RASGRF2: variants seen among roughly 807,000 people sequenced by gnomAD.
RASGRF2 encodes ras-specific guanine nucleotide-releasing factor 2.
In RASGRF2, 76 loss-of-function variants were observed where a neutral mutation model predicts 151.0. The ratio of observed to expected loss-of-function variants is 0.50; its 90% confidence interval spans 0.42 to 0.61. The LOEUF is 0.61. RASGRF2 is among the 20% of genes least tolerant of loss of function. The probability of loss-of-function intolerance (pLI) is 0.00; values close to 1 mark genes in which losing one functional copy is unlikely to be tolerated. For synonymous variants in RASGRF2, 504 were observed against 566.5 expected (o/e 0.89, Z 1.57); for missense variants, 1,148 against 1,564.6 (o/e 0.73, Z 4.49).
At chr5:81,010,671 T>A (rs1311056455) in intron 1 of RASGRF2, among the ~76,000 whole-genome samples, 1 of 152,226 alleles carries the variant, frequency 6.6e-6, no homozygotes, top group East Asian at 1.9e-4. Flanking sequence ...GTCTGACAGC[T>A]GTAAGCTTTC....
At chr5:81,208,147 G>A (rs1755551078) in intron 21 of RASGRF2, among the ~76,000 whole-genome samples, 1 of 152,190 alleles carries the variant, frequency 6.6e-6, no homozygotes, top group African/African-American at 2.4e-5. Context: ...AAAGCTGGAA[G>A]CTGAAGAATC....
chr5:81,227,934 A>C lies in RASGRF2; in HGVS notation c.*2164A>C, dbSNP rs536895088. 1 of 152,346 alleles carries C rather than the reference A, an allele frequency of 6.6e-6. No homozygotes were observed. Among genetic ancestry groups the C allele is most frequent in the East Asian group, 1.9e-4 (1 of 5,190 alleles). The allele number at this position is 152,346 out of a possible 1,614,324, so 9.4% of individuals were successfully genotyped here. ...CTGCAGCCATTCTTATTAACAAAAA[A>C]TAAGACAGGAGTTTCCAAATGCTCC... On this transcript the variant is annotated 3_prime_UTR_variant, in exon 27 of 27. Transcript: ENST00000265080.
rs1756012407 is a variant in RASGRF2 at position 81,226,881 on chromosome 5, A to G, written c.*1111A>G. ...AGATCTCTGAGAATATTATAAGTGC[A>G]TGGGAAATGGGCCCAACCACCGAAC... On this transcript the variant is annotated 3_prime_UTR_variant, in exon 27 of 27. Coordinates refer to ENST00000265080, the MANE Select transcript of RASGRF2 (RefSeq NM_006909.3). 1 of 152,112 alleles carries G rather than the reference A, an allele frequency of 6.6e-6. No individual in the cohort carries two copies. The highest frequency in any genetic ancestry group is 1.5e-5 in the Non-Finnish European group (1 of 68,024). 9.4% of individuals were successfully genotyped at this position (152,112 alleles called of 1,614,324 possible). A position where few individuals can be genotyped will look rare whatever the true frequency, so the allele number is the denominator to read the frequency against.
intron 17 of RASGRF2, among the ~76,000 whole-genome samples, chr5:81,170,122 A>C (rs928932547): frequency 3.3e-5 from 5 of 150,864 alleles, no homozygotes; most frequent in Admixed American, 3.3e-4. Context: ...TACCACCAGC[A>C]TCACCTGCAC....
chr5:81,018,086 A>C (rs923184402), intron 1 of RASGRF2, among the ~76,000 whole-genome samples: 1 of 151,820 alleles, frequency 6.6e-6, no homozygotes, highest in African/African-American at 2.4e-5. Context: ...TCCAGCCTGG[A>C]TGACAGAGCG....
intron 19 of RASGRF2, among the ~76,000 whole-genome samples, chr5:81,206,486 A>G (rs1302345132): frequency 6.6e-6 from 1 of 152,222 alleles, no homozygotes; most frequent in African/African-American, 2.4e-5. Flanking sequence ...ACTCAGGCCT[A>G]GGAGTCCAAC....
At chr5:81,023,261 T>C (rs1451715160) in intron 1 of RASGRF2, among the ~76,000 whole-genome samples, 1 of 152,148 alleles carries the variant, frequency 6.6e-6, no homozygotes, top group Non-Finnish European at 1.5e-5. Context: ...TTATTGTCAT[T>C]GTAGATATTG....
intron 2 of RASGRF2, among the ~76,000 whole-genome samples, chr5:81,053,993 T>G (rs1439392275): frequency 2.6e-5 from 4 of 152,182 alleles, no homozygotes; most frequent in Admixed American, 2.6e-4. Context: ...TCTTGTAAAT[T>G]TGTTTGAGTT....
chr5:81,047,022 G>A (rs1043448059), intron 2 of RASGRF2, among the ~76,000 whole-genome samples: 5 of 152,170 alleles, frequency 3.3e-5, no homozygotes, highest in African/African-American at 1.2e-4. Flanking sequence ...GGGACTTTGT[G>A]ACTATCTGGA....
At chr5:81,159,531 A>G (rs991668350) in intron 17 of RASGRF2, among the ~76,000 whole-genome samples, 1 of 152,252 alleles carries the variant, frequency 6.6e-6, no homozygotes, top group Non-Finnish European at 1.5e-5. Context: ...CTATAAAGAC[A>G]GAAAACCGAT....
At chr5:81,023,833 T>C (rs1749915283) in intron 1 of RASGRF2, among the ~76,000 whole-genome samples, 1 of 152,212 alleles carries the variant, frequency 6.6e-6, no homozygotes, top group Non-Finnish European at 1.5e-5. Flanking sequence ...TGGGTTTGGA[T>C]GGCAGCCAGC....
chr5:81,020,104 A>G (rs1194073358), intron 1 of RASGRF2, among the ~76,000 whole-genome samples: 2 of 152,352 alleles, frequency 1.3e-5, no homozygotes, highest in Non-Finnish European at 2.9e-5. Flanking sequence ...CAAAGCTACA[A>G]TTGATGCCAA....
At chr5:81,039,499 A>G (rs1034678115) in intron 1 of RASGRF2, among the ~76,000 whole-genome samples, 4 of 152,190 alleles carry the variant, frequency 2.6e-5, no homozygotes, top group African/African-American at 7.2e-5. Flanking sequence ...ATGCATTAAA[A>G]CATGTAAAGC....
At chr5:81,225,338 AT>A (rs1755948668) in intron 26 of RASGRF2, among the ~76,000 whole-genome samples, 1 of 152,224 alleles carries the variant, frequency 6.6e-6, no homozygotes, top group African/African-American at 2.4e-5. Flanking sequence ...TGAAAGCAGA[AT>A]AAAATGTGCA....
intron 2 of RASGRF2, among the ~76,000 whole-genome samples, chr5:81,059,245 C>G (rs1217501072): frequency 2.0e-5 from 3 of 151,478 alleles, no homozygotes; most frequent in Non-Finnish European, 4.4e-5. Context: ...TTAGCCGGGC[C>G]TGGTGGCAGG....
At chr5:81,089,321 G>A (rs1371676527) in intron 9 of RASGRF2, among the ~76,000 whole-genome samples, 1 of 151,960 alleles carries the variant, frequency 6.6e-6, no homozygotes. Context: ...GATGATATGT[G>A]GTCTATTTCT....
intron 1 of RASGRF2, among the ~76,000 whole-genome samples, chr5:80,979,969 A>G (rs1437873363): frequency 6.6e-6 from 1 of 152,198 alleles, no homozygotes; most frequent in African/African-American, 2.4e-5. Flanking sequence ...AAAAATCAAG[A>G]TGCTGTTGCT....
chr5:80,999,210 G>A (rs139177494), intron 1 of RASGRF2, among the ~76,000 whole-genome samples: 3 of 152,214 alleles, frequency 2.0e-5, no homozygotes, highest in East Asian at 1.9e-4. Context: ...GAACCAAGAG[G>A]GCTGACAGGT....
intron 12 of RASGRF2, among the ~76,000 whole-genome samples, chr5:81,096,886 T>G (rs756612034): frequency 5.9e-5 from 9 of 152,056 alleles, no homozygotes; most frequent in Admixed American, 1.3e-4. Context: ...CAAAAAAAAA[T>G]TGTACTAGAT....
Sources: gnomAD v4.1 joint callset for allele counts (sites outside exome capture counted in the v4.1 genomes callset) on GRCh38, gnomAD v4.1.1 for gene constraint, MANE v1.5 for transcripts, NCBI Gene and HGNC (gene_info 2026-07-23, HGNC 2026-07-21) for gene names.